Variants in MALRD1 observed in about 807,000 individuals in gnomAD.
MALRD1 encodes the protein MAM and LDL-receptor class A domain-containing protein 1.
A neutral mutation model predicts 242.1 loss-of-function variants in MALRD1; 247 were observed. The observed-to-expected ratio is 1.02, with a 90% confidence interval of 0.92 to 1.13. The LOEUF (loss-of-function observed/expected upper bound fraction) is 1.13, where lower values mean the gene tolerates loss of function less well. Among genes scored for constraint, MALRD1 ranks in the 50% most tolerant of loss-of-function variants. The pLI is 0.00. For missense variants in MALRD1, 2,989 were observed against 2,533.1 expected, an observed-to-expected ratio of 1.18 and a Z score of -3.86; for synonymous variants, 995 against 866.6, an observed-to-expected ratio of 1.15 and a Z score of -2.60.
chr10:19,645,205 C>T (rs950305424), intron 36 of MALRD1, among the ~76,000 whole-genome samples: 8 of 152,070 alleles, frequency 5.3e-5, no homozygotes, highest in South Asian at 2.1e-4. Flanking sequence ...ATTAGAATGG[C>T]GATCATTAAA....
At chr10:19,590,239 A>G (rs1316468709) in intron 33 of MALRD1, among the ~76,000 whole-genome samples, 1 of 149,540 alleles carries the variant, frequency 6.7e-6, no homozygotes, top group Non-Finnish European at 1.5e-5. Context: ...TCTAAGGAAT[A>G]TTGGTGGTGA....
At chr10:19,640,121 C>T (rs1840317198) in intron 36 of MALRD1, among the ~76,000 whole-genome samples, 1 of 152,098 alleles carries the variant, frequency 6.6e-6, no homozygotes, top group Non-Finnish European at 1.5e-5. Context: ...AAGAGTTTCG[C>T]TCTTGTCACC....
At chr10:19,280,024 C>G in intron 19 of MALRD1, 23 bp from the exon 20 acceptor site, 1 of 1,450,984 alleles carries the variant, frequency 6.9e-7, no homozygotes, top group Non-Finnish European at 9.1e-7. Flanking sequence ...CTAAATGATG[C>G]CTGTATATTA....
rs551785993 is a variant in MALRD1, at chr10:19,080,695, G to T, written c.341-7145G>T. Among the ~76,000 whole-genome samples the T allele has an allele frequency of 1.9e-3, 294 of 152,114 alleles. 1 individual carries two copies. Among genetic ancestry groups the T allele is most frequent in the Non-Finnish European group, 3.3e-3 (227 of 67,966 alleles). ...AGGAAATCCAGGCAATAACATTCAT[G>T]ACATAGACACAAGCAGAGATTTCAT... On this transcript the variant is annotated intron_variant, in intron 2 of 39. Coordinates refer to ENST00000454679, the MANE Select transcript of MALRD1 (RefSeq NM_001142308.3).
intron 33 of MALRD1, among the ~76,000 whole-genome samples, chr10:19,570,059 G>A (rs551533566): frequency 3.3e-5 from 5 of 151,980 alleles, no homozygotes; most frequent in African/African-American, 1.2e-4. Flanking sequence ...CTTTCCCAGT[G>A]TGTTATAGAA....
chr10:19,668,360 A>G (rs1298630596), intron 36 of MALRD1, among the ~76,000 whole-genome samples: 5 of 152,286 alleles, frequency 3.3e-5, no homozygotes, highest in African/African-American at 9.6e-5. Flanking sequence ...ATTCTATAAT[A>G]GGGCATGCAC....
At chr10:19,059,111 TTAAA>T (rs1194151515) in intron 1 of MALRD1, among the ~76,000 whole-genome samples, 2 of 152,208 alleles carry the variant, frequency 1.3e-5, no homozygotes, top group African/African-American at 2.4e-5. Context: ...AGGTTAATGT[TTAAA>T]TAAATTATGA....
intron 36 of MALRD1, among the ~76,000 whole-genome samples, chr10:19,645,433 G>A (rs541411043): frequency 3.0e-4 from 46 of 152,268 alleles, no homozygotes; most frequent in Non-Finnish European, 5.4e-4. Context: ...GCACACATAC[G>A]TTTATTGTGG....
chr10:19,644,725 A>G (rs1040174488), intron 36 of MALRD1, among the ~76,000 whole-genome samples: 6 of 152,208 alleles, frequency 3.9e-5, no homozygotes, highest in Non-Finnish European at 8.8e-5. Flanking sequence ...ATTTAATTCT[A>G]AGAAAAATAA....
chr10:19,337,769 A>G (rs1843673986), intron 24 of MALRD1, among the ~76,000 whole-genome samples: 1 of 152,118 alleles, frequency 6.6e-6, no homozygotes, highest in African/African-American at 2.4e-5. Flanking sequence ...CTGAGTAGAA[A>G]GTACAGTTAT....
chr10:19,363,295 T>G (rs1319478662), intron 26 of MALRD1, among the ~76,000 whole-genome samples: 1 of 152,014 alleles, frequency 6.6e-6, no homozygotes, highest in African/African-American at 2.4e-5. Context: ...CCTGGGACAT[T>G]CAACATTATG....
At chr10:19,677,545 T>A (rs1842185609) in intron 36 of MALRD1, among the ~76,000 whole-genome samples, 1 of 152,206 alleles carries the variant, frequency 6.6e-6, no homozygotes, top group South Asian at 2.1e-4. Context: ...TTTGTTTAAG[T>A]CCCTTGTACA....
chr10:19,346,231 C>G (rs1380421878), intron 24 of MALRD1, among the ~76,000 whole-genome samples: 1 of 152,108 alleles, frequency 6.6e-6, no homozygotes, highest in African/African-American at 2.4e-5. Context: ...GATTTGATGC[C>G]AAGTGCAATA....
intron 31 of MALRD1, among the ~76,000 whole-genome samples, chr10:19,510,069 G>A (rs549136999): frequency 3.9e-4 from 59 of 152,272 alleles, no homozygotes; most frequent in African/African-American, 1.2e-3. Flanking sequence ...GCAGGAAAAC[G>A]TGAACAAATG....
intron 2 of MALRD1, among the ~76,000 whole-genome samples, chr10:19,077,404 G>C (rs1021701628): frequency 6.6e-6 from 1 of 151,724 alleles, no homozygotes; most frequent in Admixed American, 6.6e-5. Context: ...TTTTTTCATA[G>C]TGCACACCCA....
intron 24 of MALRD1, among the ~76,000 whole-genome samples, chr10:19,340,370 C>T (rs1264266087): frequency 2.7e-5 from 4 of 148,506 alleles, no homozygotes; most frequent in Non-Finnish European, 5.9e-5. Context: ...TACCCATTAA[C>T]ATCCCCACAA....
intron 28 of MALRD1, among the ~76,000 whole-genome samples, chr10:19,437,671 A>G (rs943651045): frequency 7.2e-5 from 11 of 152,120 alleles, no homozygotes; most frequent in African/African-American, 2.7e-4. Flanking sequence ...ATTTGAATAT[A>G]ACATCAACAA....
chr10:19,591,005 T>C (rs975901828), intron 33 of MALRD1, among the ~76,000 whole-genome samples: 2 of 152,202 alleles, frequency 1.3e-5, no homozygotes, highest in African/African-American at 4.8e-5. Context: ...ATATGACACA[T>C]ACAGTTAGTT....
At chr10:19,289,962 A>G (rs1841326863) in intron 21 of MALRD1, among the ~76,000 whole-genome samples, 1 of 152,144 alleles carries the variant, frequency 6.6e-6, no homozygotes, top group Non-Finnish European at 1.5e-5. Flanking sequence ...ATAAGCAAGT[A>G]TAAGAGAAAA....
Sources: gnomAD v4.1 joint callset for allele counts (sites outside exome capture counted in the v4.1 genomes callset) on GRCh38, gnomAD v4.1.1 for gene constraint, MANE v1.5 for transcripts, NCBI Gene and HGNC (gene_info 2026-07-23, HGNC 2026-07-21) for gene names.